The following PPP1CB variants were observed in gnomAD, a reference collection of about 807,000 sequenced individuals.
The protein encoded by PPP1CB is protein phosphatase 1 catalytic subunit beta, also known as serine/threonine-protein phosphatase PP1-beta catalytic subunit.
In PPP1CB, 2 loss-of-function variants were observed where a neutral mutation model predicts 43.7. That is an observed-to-expected ratio of 0.05 (90% CI 0.02 to 0.14). The LOEUF is 0.14. Among genes scored for constraint, PPP1CB ranks in the 10% least tolerant of loss-of-function variants. The pLI is 1.00. For synonymous variants in PPP1CB, 136 were observed against 135.6 expected, an observed-to-expected ratio of 1.00 and a Z score of -0.02; for missense variants, 84 against 398.0, an observed-to-expected ratio of 0.21 and a Z score of 6.71.
chr2:28,778,244 C>T (rs1488897813), intron 2 of PPP1CB: 1 of 389,584 alleles, frequency 2.6e-6, no homozygotes, highest in Non-Finnish European at 5.4e-6. Flanking sequence ...GTTAAACTAC[C>T]AGATAATAAA....
rs564998341 is a variant in PPP1CB at position 28,801,728 on chromosome 2, T to C, written c.*2425T>C. On this transcript the variant is annotated 3_prime_UTR_variant, in exon 8 of 8. Transcript: ENST00000395366. ...TTTTTTCAGGTTAGTGATTTTTTTG[T>C]ATACAATTTAATCCAAATGTTATGA... The C allele has an allele frequency of 6.6e-6, 1 of 152,302 alleles. No homozygotes were observed. Among genetic ancestry groups the C allele is most frequent in the South Asian group, 2.1e-4 (1 of 4,830 alleles). The allele number at this position is 152,302 out of a possible 1,614,324, so 9.4% of individuals were successfully genotyped here. A position where few individuals can be genotyped will look rare whatever the true frequency, so the allele number is the denominator to read the frequency against.
chr2:28,771,626 G>A (rs780823174), intron 1 of PPP1CB, among the ~76,000 whole-genome samples: 16 of 152,166 alleles, frequency 1.1e-4, no homozygotes. Flanking sequence ...TTGCGGTTCA[G>A]TGGGGAAAAG....
chr2:28,758,608 TC>T (rs1313646741), intron 1 of PPP1CB, among the ~76,000 whole-genome samples: 1 of 152,200 alleles, frequency 6.6e-6, no homozygotes, highest in African/African-American at 2.4e-5. Flanking sequence ...GCCAGTTTTT[TC>T]CTGATTTGAT....
chr2:28,770,775 T>A (rs1294231762), intron 1 of PPP1CB, among the ~76,000 whole-genome samples: 1 of 108,212 alleles, frequency 9.2e-6, no homozygotes, highest in African/African-American at 3.1e-5. Context: ...TTTCAGGATA[T>A]ATATGCTTTT....
chr2:28,787,225 C>T (rs567316477), intron 5 of PPP1CB, among the ~76,000 whole-genome samples: 8 of 151,992 alleles, frequency 5.3e-5, no homozygotes, highest in African/African-American at 7.2e-5. Context: ...TCTGGGAGGC[C>T]GAAGCGGGCG....
At chr2:28,764,643 GAGTT>G (rs1170641498) in intron 1 of PPP1CB, among the ~76,000 whole-genome samples, 1 of 152,100 alleles carries the variant, frequency 6.6e-6, no homozygotes, top group Non-Finnish European at 1.5e-5. Flanking sequence ...GGTTGAGTAA[GAGTT>G]AGAATACCAG....
At chr2:28,795,854 A>G (rs1373623745) in intron 7 of PPP1CB, among the ~76,000 whole-genome samples, 1 of 152,170 alleles carries the variant, frequency 6.6e-6, no homozygotes, top group Admixed American at 6.5e-5. Flanking sequence ...GGACTTGGTC[A>G]TAAATTATTT....
chr2:28,772,625 G>A (rs182442881), intron 1 of PPP1CB, among the ~76,000 whole-genome samples: 6 of 152,266 alleles, frequency 3.9e-5, no homozygotes, highest in Admixed American at 6.5e-5. Context: ...AAATAGAGTA[G>A]TAAAGATATT....
At chr2:28,752,522 G>A (rs542504892) in intron 1 of PPP1CB, among the ~76,000 whole-genome samples, 2 of 152,324 alleles carry the variant, frequency 1.3e-5, no homozygotes, top group African/African-American at 4.8e-5. Flanking sequence ...CCGGTGACCC[G>A]AGGATGGGGA....
At chr2:28,775,143 A>G (rs956280189) in intron 1 of PPP1CB, among the ~76,000 whole-genome samples, 2 of 151,712 alleles carry the variant, frequency 1.3e-5, no homozygotes, top group African/African-American at 4.8e-5. Context: ...TCTCACTCTC[A>G]CCCAGGCTGG....
chr2:28,779,139 A>T, intron 3 of PPP1CB, 100 bp downstream of exon 3: 1 of 897,460 alleles, frequency 1.1e-6, no homozygotes, highest in Admixed American at 2.7e-5. Flanking sequence ...TTTTCAAAAT[A>T]AGATCTGTCA....
At chr2:28,793,246 G>A (rs1020482641) in intron 6 of PPP1CB, among the ~76,000 whole-genome samples, 1 of 152,150 alleles carries the variant, frequency 6.6e-6, no homozygotes, top group Non-Finnish European at 1.5e-5. Flanking sequence ...TCTGTTGGCA[G>A]TTAATTTAAG....
In PPP1CB at chr2:28,799,143, T is replaced by G. The variant is rs113619485; in HGVS notation, c.880-56T>G. 3,260 of 1,228,674 alleles carry G rather than the reference T, an allele frequency of 2.7e-3. 65 individuals are homozygous for G. In the African/African-American group the frequency reaches 0.042, roughly 16 times the overall value. The allele number at this position is 1,228,674 out of a possible 1,614,324, so 76.1% of individuals were successfully genotyped here. A position where few individuals can be genotyped will look rare whatever the true frequency, so the allele number is the denominator to read the frequency against. The stretch of plus-strand genomic sequence containing the variant: ...TATTGAAAATCACAATTGTAACAAT[T>G]TTCTTAACTTCTGTACATGAAAAAA... On this transcript the variant is annotated intron_variant, in intron 7 of 7. Transcript: ENST00000395366.
In PPP1CB at chr2:28,801,310, T is replaced by C. The variant is rs567663059; in HGVS notation, c.*2007T>C. The stretch of plus-strand genomic sequence containing the variant: ...TGAAGCAGGTCTAGAAAATAAGCCT[T>C]TGGCAGGGAAAAAGGGCAATGTTGA... On this transcript the variant is annotated 3_prime_UTR_variant, in exon 8 of 8. Transcript: ENST00000395366. 1 of 152,228 alleles carries C rather than the reference T, an allele frequency of 6.6e-6. No homozygotes were observed. The highest frequency in any genetic ancestry group is 2.1e-4 in the South Asian group (1 of 4,826). The allele number at this position is 152,228 out of a possible 1,614,324, so 9.4% of individuals were successfully genotyped here.
intron 1 of PPP1CB, among the ~76,000 whole-genome samples, chr2:28,774,291 C>A (rs192194446): frequency 3.0e-4 from 46 of 152,294 alleles, no homozygotes; most frequent in Non-Finnish European, 5.3e-4. Flanking sequence ...TCTTCTTGTT[C>A]ATTGCTGTTC....
At chr2:28,795,236 C>T (rs1667475861) in intron 7 of PPP1CB, among the ~76,000 whole-genome samples, 1 of 152,122 alleles carries the variant, frequency 6.6e-6, no homozygotes, top group African/African-American at 2.4e-5. Context: ...TTTCTTTATC[C>T]AGTTCACTGT....
intron 2 of PPP1CB, chr2:28,778,305 G>T: frequency 2.1e-6 from 1 of 466,694 alleles, no homozygotes; most frequent in Non-Finnish European, 4.4e-6. Flanking sequence ...AAACTTTGTG[G>T]CTTACAGCAA....
Position 28,779,038 on chromosome 2 carries a change from A to G in PPP1CB, c.414A>G (p.Glu138=). The G allele has an allele frequency of 6.4e-7, 1 of 1,550,894 alleles. No individual in the cohort carries two copies. The highest frequency in any genetic ancestry group is 1.1e-5 in the South Asian group (1 of 87,208). ...ATCGCATTTATGGATTCTATGATGA[A>G]TGTAAGTGAAAATAAAGACTTAGAA... ...SINRIYGFYD[E]CKRRFNIKLW... The change falls in exon 3 of 8, where the codon GAA becomes GAG. Residue 138 remains glutamate, a splice_region_variant and synonymous_variant. Transcript: ENST00000395366.
Position 28,783,975 on chromosome 2 carries a change from A to G in PPP1CB, c.589A>G (p.Thr197Ala). Residue 197 changes from threonine (T) to alanine (A), a missense_variant, in exon 5 of 8, where the codon ACA becomes GCA. Physicochemically the swap from Thr to Ala is moderately conservative, Grantham distance 58. Transcript: ENST00000395366. ...TATGAGACCTACTGATGTCCCTGAT[A>G]CAGGTAAGTGTAGAGAGAAGTTTAA... The part of the protein sequence containing the change: ...RIMRPTDVPD[T>A]GLLCDLLWSD... 1 of 1,605,542 alleles carries G rather than the reference A, an allele frequency of 6.2e-7. No individual in the cohort carries two copies. The highest frequency in any genetic ancestry group is 1.1e-5 in the South Asian group (1 of 90,856).
Sources: allele counts gnomAD v4.1 joint callset (sites outside exome capture counted in the v4.1 genomes callset), GRCh38; gene constraint gnomAD v4.1.1; transcripts MANE v1.5; gene names NCBI Gene and HGNC (gene_info 2026-07-23, HGNC 2026-07-21).